Variants in SUGP1 observed in about 807,000 individuals in gnomAD.
SUGP1 encodes the protein SURP and G-patch domain containing 1, also known as SURP and G-patch domain-containing protein 1.
In SUGP1, 34 loss-of-function variants were observed where a neutral mutation model predicts 76.5. The observed-to-expected ratio is 0.44, with a 90% CI of 0.34 to 0.59. The LOEUF (loss-of-function observed/expected upper bound fraction) is 0.59, where lower values mean the gene tolerates loss of function less well. Ranked by LOEUF, SUGP1 falls within the 20% of genes least tolerant of loss-of-function variation. SUGP1 has a pLI of 0.01. For missense variants in SUGP1, 752 were observed against 851.7 expected (o/e 0.88, Z 1.46); for synonymous variants, 326 against 326.2 (o/e 1.00, Z 0.01).
intron 1 of SUGP1, among the ~76,000 whole-genome samples, chr19:19,316,799 C>A (rs188472448): frequency 2.2e-4 from 34 of 152,194 alleles, no homozygotes; most frequent in African/African-American, 7.7e-4. Context: ...TCTCTGCCCA[C>A]GTGGGACTCG....
rs2061344762 is a variant in SUGP1, at chr19:19,310,312, C to T, written c.207-112G>A. The T allele has an allele frequency of 1.6e-5, 13 of 788,590 alleles. No individual in the cohort carries two copies. In the South Asian group the frequency reaches 1.8e-4, roughly 11 times the overall value. 48.8% of individuals were successfully genotyped at this position (788,590 alleles called of 1,614,324 possible). On this transcript the variant is annotated intron_variant, in intron 2 of 13. Transcript: ENST00000247001. ...ACCTCGTCCATCATGGCCCCTAACT[C>T]ACCCCAGCACTCTCACCTACTGGGA...
intron 8 of SUGP1, among the ~76,000 whole-genome samples, chr19:19,294,510 C>CAAAAAAAA (rs58011841): frequency 2.2e-5 from 2 of 90,436 alleles, no homozygotes; most frequent in African/African-American, 4.1e-5. Context: ...GAGTGAGACT[C>CAAAAAAAA]AAAAAAAAAA....
At chr19:19,317,504 T>C (rs190460353) in intron 1 of SUGP1, among the ~76,000 whole-genome samples, 1 of 152,236 alleles carries the variant, frequency 6.6e-6, no homozygotes, top group East Asian at 1.9e-4. Flanking sequence ...AGCACTAAGA[T>C]GAAGAATGCA....
rs1219560675 is a variant in SUGP1, at chr19:19,320,479, G to A, written c.18C>T (p.Asp6=). Reference sequence around the variant, plus strand: ...GGCTGTTACCTGCAACATCCCGGTTGTCCATCTTGAGACTCATCCAATCCC... The same window carrying A: ...GGCTGTTACCTGCAACATCCCGGTTATCCATCTTGAGACTCATCCAATCCC... MSLKM[D]NRDVAGKANR... The change falls in exon 1 of 14, where the codon GAC becomes GAT. Residue 6 remains aspartate, a synonymous_variant. Coordinates refer to ENST00000247001, the MANE Select transcript of SUGP1 (RefSeq NM_172231.4). 6 of 1,610,214 alleles carry A rather than the reference G, an allele frequency of 3.7e-6. No homozygotes were observed. The highest frequency in any genetic ancestry group is 1.1e-5 in the South Asian group (1 of 89,754).
At chr19:19,284,831 A>C (rs531954789) in intron 8 of SUGP1, among the ~76,000 whole-genome samples, 69 of 152,230 alleles carry the variant, frequency 4.5e-4, no homozygotes, top group African/African-American at 1.6e-3. Flanking sequence ...TGCCATTAAG[A>C]AAATCATTGA....
At chr19:19,302,631 G>C (rs905341388) in intron 6 of SUGP1, among the ~76,000 whole-genome samples, 3 of 152,154 alleles carry the variant, frequency 2.0e-5, no homozygotes, top group African/African-American at 7.2e-5. Context: ...CATGAGCCAG[G>C]ACAAAGGATC....
intron 3 of SUGP1, among the ~76,000 whole-genome samples, chr19:19,306,581 C>T (rs1372354125): frequency 1.3e-5 from 2 of 152,236 alleles, no homozygotes; most frequent in Admixed American, 6.5e-5. Flanking sequence ...CCCTGGGAAA[C>T]CTGACAGAGG....
chr19:19,290,251 G>A (rs1344020907), intron 8 of SUGP1, among the ~76,000 whole-genome samples: 1 of 152,212 alleles, frequency 6.6e-6, no homozygotes, highest in East Asian at 1.9e-4. Context: ...GGCAAGGAGA[G>A]AGGGAAGGAG....
chr19:19,317,299 G>A (rs1046333671), intron 1 of SUGP1, among the ~76,000 whole-genome samples: 1 of 152,092 alleles, frequency 6.6e-6, no homozygotes, highest in Non-Finnish European at 1.5e-5. Flanking sequence ...AGAAGCCAGC[G>A]TCATGAAAAG....
chr19:19,314,181 G>A (rs1001087747), intron 2 of SUGP1, among the ~76,000 whole-genome samples: 4 of 150,940 alleles, frequency 2.7e-5, no homozygotes, highest in South Asian at 2.1e-4. Context: ...ATAAATAGCC[G>A]GGCATCGTGG....
intron 3 of SUGP1, among the ~76,000 whole-genome samples, chr19:19,306,984 C>A (rs1213223161): frequency 2.0e-5 from 3 of 152,112 alleles, no homozygotes; most frequent in Non-Finnish European, 4.4e-5. Flanking sequence ...CAGCTCACCA[C>A]CCTGAGAGCA....
chr19:19,305,036 GGGTACCCTT>G (rs1471111532), intron 4 of SUGP1, among the ~76,000 whole-genome samples: 1 of 152,164 alleles, frequency 6.6e-6, no homozygotes. Context: ...GTTCCCAACA[GGGTACCCTT>G]GGAGCTGCTG....
chr19:19,277,264 C>G (rs549382839), intron 12 of SUGP1, among the ~76,000 whole-genome samples, 188 bp from the exon 13 acceptor site: 138 of 131,908 alleles, frequency 1.0e-3, no homozygotes, highest in Non-Finnish European at 1.4e-3. Context: ...GGGGGGGGGG[C>G]CTAGGCCCCA....
At chr19:19,310,620 GTCTC>G (rs1334263023) in intron 2 of SUGP1, among the ~76,000 whole-genome samples, 3 of 151,702 alleles carry the variant, frequency 2.0e-5, no homozygotes, top group African/African-American at 7.3e-5. Context: ...GGGCCTACAT[GTCTC>G]TCTCTCTCTG....
intron 8 of SUGP1, among the ~76,000 whole-genome samples, chr19:19,284,605 T>G: frequency 6.6e-6 from 1 of 152,232 alleles, no homozygotes; most frequent in East Asian, 1.9e-4. Context: ...GCTATCAGAA[T>G]GACACACCTA....
intron 2 of SUGP1, among the ~76,000 whole-genome samples, 183 bp from the exon 3 acceptor site, chr19:19,310,383 G>A (rs186363008): frequency 2.3e-4 from 35 of 152,300 alleles, no homozygotes; most frequent in South Asian, 1.0e-3. Flanking sequence ...TGCGAAGTGC[G>A]CACAGCAGGC....
intron 2 of SUGP1, among the ~76,000 whole-genome samples, chr19:19,315,830 T>G (rs767641041): frequency 3.3e-5 from 5 of 150,726 alleles, no homozygotes; most frequent in African/African-American, 9.7e-5. Flanking sequence ...AGGGCAGAGG[T>G]TTTTTTTTGT....
In SUGP1 at chr19:19,283,541, G is replaced by A. The variant is rs527378429; in HGVS notation, c.1244-3250C>T. On this transcript the variant is annotated intron_variant, in intron 8 of 13. Transcript: ENST00000247001. Reference sequence around the variant, plus strand: ...ACGACTTCGGCTCACTGCAACCTCCGCCTCCTGGGTTCAAGAGATTCTCCT... The same window carrying A: ...ACGACTTCGGCTCACTGCAACCTCCACCTCCTGGGTTCAAGAGATTCTCCT... Among the ~76,000 whole-genome samples, 6 of 151,482 alleles carry A rather than the reference G, an allele frequency of 4.0e-5. No homozygotes were observed. The South Asian group carries it at 6.3e-4, about 16-fold the overall frequency.
chr19:19,310,002 A>G, intron 3 of SUGP1, 95 bp downstream of exon 3: 1 of 842,744 alleles, frequency 1.2e-6, no homozygotes, highest in South Asian at 1.4e-5. Context: ...ACCGGTGAGC[A>G]GGAGTCTGAG....
Sources: gnomAD v4.1 joint callset for allele counts (sites outside exome capture counted in the v4.1 genomes callset) on GRCh38, gnomAD v4.1.1 for gene constraint, MANE v1.5 for transcripts, NCBI Gene and HGNC (gene_info 2026-07-23, HGNC 2026-07-21) for gene names.